PUF60: variants seen among roughly 807,000 people sequenced by gnomAD.
The protein encoded by PUF60 is poly(U)-binding-splicing factor PUF60.
PUF60 carries 10 observed loss-of-function variants against 61.8 expected under a neutral mutation model. That is an observed-to-expected ratio of 0.16 (90% confidence interval 0.10 to 0.27). The LOEUF is 0.27. Ranked by LOEUF, PUF60 falls within the 10% of genes least tolerant of loss-of-function variation. The pLI is 1.00. For synonymous variants in PUF60, 353 were observed against 300.9 expected (o/e 1.17, Z -1.79); for missense variants, 371 against 754.0 (o/e 0.49, Z 5.95).
At chr8:143,825,671 T>C (rs1364575575) in intron 1 of PUF60, among the ~76,000 whole-genome samples, 2 of 152,210 alleles carry the variant, frequency 1.3e-5, no homozygotes, top group East Asian at 1.9e-4. Flanking sequence ...TTGGTAGAGA[T>C]GGGGGTCTCC....
At chr8:143,821,199 A>T in intron 4 of PUF60, 1 of 401,524 alleles carries the variant, frequency 2.5e-6, no homozygotes, top group African/African-American at 2.0e-5. Flanking sequence ...GACTCACTGC[A>T]GGGGTGAGGG....
At chr8:143,829,055 G>A in intron 1 of PUF60, 1 of 1,022,590 alleles carries the variant, frequency 9.8e-7, no homozygotes. Context: ...CCCCCGCCCC[G>A]CCCCGCCGGA....
Position 143,818,699 on chromosome 8 carries a change from C to A in PUF60, c.349-165G>T. The A allele has an allele frequency of 1.4e-6, 1 of 734,232 alleles. No individual in the cohort carries two copies. Among genetic ancestry groups the A allele is most frequent in the Middle Eastern group, 3.9e-4 (1 of 2,556 alleles). 45.5% of individuals were successfully genotyped at this position (734,232 alleles called of 1,614,324 possible). A position where few individuals can be genotyped will look rare whatever the true frequency, so the allele number is the denominator to read the frequency against. On this transcript the variant is annotated intron_variant, in intron 5 of 11. Transcript: ENST00000526683. This position sits in a 1 kb window ranked among gnomAD's most constrained non-coding sequence, Gnocchi z 7.9. Reference sequence around the variant, plus strand: ...CCCTGCAGTCATAGTGTGGGGGTCGCAGGACCCCGCCACCCAAAGAAGGAA... The same window carrying A: ...CCCTGCAGTCATAGTGTGGGGGTCGAAGGACCCCGCCACCCAAAGAAGGAA...
chr8:143,828,449 G>T (rs946594271), intron 1 of PUF60, among the ~76,000 whole-genome samples: 14 of 152,248 alleles, frequency 9.2e-5, no homozygotes, highest in Admixed American at 3.3e-4. Context: ...AGACTTCATC[G>T]TGCATGTGTT....
Position 143,818,786 on chromosome 8 carries a change from G to A in PUF60, c.349-252C>T, listed in dbSNP as rs2130266244. On this transcript the variant is annotated intron_variant, in intron 5 of 11. Coordinates refer to ENST00000526683, the MANE Select transcript of PUF60 (RefSeq NM_078480.3). This position sits in a 1 kb window ranked among gnomAD's most constrained non-coding sequence, Gnocchi z 7.9. ...CCGCCAAGGTCCCAGGCAGACTGCG[G>A]CAGCAAAGCCGACAGATGGTCAGGA... 4 of 541,404 alleles carry A rather than the reference G, an allele frequency of 7.4e-6. No homozygotes were observed. Among genetic ancestry groups the A allele is most frequent in the East Asian group, 6.0e-5 (2 of 33,390 alleles). The allele number at this position is 541,404 out of a possible 1,614,324, so 33.5% of individuals were successfully genotyped here.
intron 1 of PUF60, 68 bp from the exon 2 acceptor site, chr8:143,824,467 C>G (rs763706916): frequency 2.2e-4 from 336 of 1,519,536 alleles, no homozygotes; most frequent in Admixed American, 3.6e-4. Context: ...GCTCTCCTCC[C>G]GAGCTAAGGG....
intron 1 of PUF60, chr8:143,827,154 G>C: frequency 3.1e-6 from 1 of 324,422 alleles, no homozygotes; most frequent in Non-Finnish European, 6.0e-6. Flanking sequence ...GATGACTTCT[G>C]TGGTTTACCA....
At position 143,818,837 on chromosome 8, in the gene PUF60, A is replaced by C; in HGVS notation, c.349-303T>G. The C allele has an allele frequency of 2.4e-6, 1 of 416,814 alleles. No homozygotes were observed. Among genetic ancestry groups the C allele is most frequent in the Admixed American group, 4.1e-5 (1 of 24,186 alleles). The allele number at this position is 416,814 out of a possible 1,614,324, so 25.8% of individuals were successfully genotyped here. A position where few individuals can be genotyped will look rare whatever the true frequency, so the allele number is the denominator to read the frequency against. ...GGCAGGGCTGTGCGCCCTCCCACCC[A>C]GACCACCCCTCCAGTCTGGGGGCTG... On this transcript the variant is annotated intron_variant, in intron 5 of 11. Transcript: ENST00000526683. The surrounding 1 kb of genome is among the most constrained non-coding windows in gnomAD (Gnocchi z 7.9).
At position 143,818,115 on chromosome 8, in the gene PUF60, AGGCCC is replaced by A; in HGVS notation, c.604-45_604-41del. ...GTGAGATGGAAAGACCGGTCAACCC[AGGCCC>A]GGCCACAAAAGGCTTCCGTGGAGGG... On this transcript the variant is annotated intron_variant, in intron 7 of 11. Coordinates refer to ENST00000526683, the MANE Select transcript of PUF60 (RefSeq NM_078480.3). The surrounding 1 kb of genome is among the most constrained non-coding windows in gnomAD (Gnocchi z 7.9). 1 of 1,604,590 alleles carries A rather than the reference AGGCCC, an allele frequency of 6.2e-7. No individual in the cohort carries two copies. Among genetic ancestry groups the A allele is most frequent in the Non-Finnish European group, 8.5e-7 (1 of 1,175,630 alleles).
Position 143,821,452 on chromosome 8 carries a change from G to A in PUF60, c.297+145C>T, listed in dbSNP as rs536636904. The A allele has an allele frequency of 9.7e-5, 75 of 774,842 alleles. 1 individual carries two copies. The South Asian group carries it at 1.0e-3, about 11-fold the overall frequency. The allele number at this position is 774,842 out of a possible 1,614,324, so 48.0% of individuals were successfully genotyped here. ...CCACTCGTGCCTCAGAGAGGACCCCGGGGGTCCCGAGCATGAGTCTTTGAG... is the reference window on the plus strand; with the variant it reads ...CCACTCGTGCCTCAGAGAGGACCCCAGGGGTCCCGAGCATGAGTCTTTGAG... On this transcript the variant is annotated intron_variant, in intron 4 of 11. Coordinates refer to ENST00000526683, the MANE Select transcript of PUF60 (RefSeq NM_078480.3).
At position 143,816,398 on chromosome 8, in the gene PUF60, A is replaced by G; in HGVS notation, c.*122T>C. ...GACGTTCAGGGCCAGCAGCATCCGC[A>G]CCTTTATCCGCACTGTAGGCTGGGC... On this transcript the variant is annotated 3_prime_UTR_variant, in exon 12 of 12. Transcript: ENST00000526683. 8.8e-7 allele frequency: 1 copy of G among 1,138,486 alleles called. No individual in the cohort carries two copies. Among genetic ancestry groups the G allele is most frequent in the Non-Finnish European group, 1.2e-6 (1 of 822,084 alleles). 70.5% of individuals were successfully genotyped at this position (1,138,486 alleles called of 1,614,324 possible). A position where few individuals can be genotyped will look rare whatever the true frequency, so the allele number is the denominator to read the frequency against.
At chr8:143,823,710 G>A (rs1817285433) in intron 2 of PUF60, among the ~76,000 whole-genome samples, 2 of 152,204 alleles carry the variant, frequency 1.3e-5, no homozygotes, top group South Asian at 4.1e-4. Context: ...GAAGCACAAA[G>A]AACCCAACTA....
chr8:143,820,824 GGGAGGCC>G, intron 4 of PUF60, 108 bp from the exon 5 acceptor site: 2 of 1,107,594 alleles, frequency 1.8e-6, no homozygotes, highest in South Asian at 2.5e-5. Context: ...CGCCCTGCCA[GGGAGGCC>G]GCCTGCCTTC....
In PUF60 at chr8:143,818,663, G is replaced by C. The variant is rs1816661016; in HGVS notation, c.349-129C>G. 2.0e-5 allele frequency: 20 copies of C among 1,007,092 alleles called. 1 individual carries two copies. In the Admixed American group the frequency reaches 5.6e-4, roughly 28 times the overall value. The allele number at this position is 1,007,092 out of a possible 1,614,324, so 62.4% of individuals were successfully genotyped here. On this transcript the variant is annotated intron_variant, in intron 5 of 11. Coordinates refer to ENST00000526683, the MANE Select transcript of PUF60 (RefSeq NM_078480.3). The surrounding 1 kb of genome is among the most constrained non-coding windows in gnomAD (Gnocchi z 7.9). ...AGGGCTCCCCACATGACAGGGAGGT[G>C]CGGGCTCCATCCCTGCAGTCATAGT...
Position 143,818,896 on chromosome 8 carries a change from T to G in PUF60, c.349-362A>C. ...AGGCTGGGCTGGGAGATCCTCCCAC[T>G]GTCCCAGCCAAGGACCACGACAGAA... On this transcript the variant is annotated intron_variant, in intron 5 of 11. Transcript: ENST00000526683. The surrounding 1 kb of genome is among the most constrained non-coding windows in gnomAD (Gnocchi z 7.9). 1 of 299,488 alleles carries G rather than the reference T, an allele frequency of 3.3e-6. No homozygotes were observed. The highest frequency in any genetic ancestry group is 6.2e-6 in the Non-Finnish European group (1 of 160,108). 18.6% of individuals were successfully genotyped at this position (299,488 alleles called of 1,614,324 possible). A position where few individuals can be genotyped will look rare whatever the true frequency, so the allele number is the denominator to read the frequency against.
chr8:143,819,719 C>G (rs1816798629), intron 5 of PUF60, among the ~76,000 whole-genome samples: 1 of 152,228 alleles, frequency 6.6e-6, no homozygotes, highest in East Asian at 1.9e-4. Flanking sequence ...GCAAGACCCC[C>G]CCAAAGGTGG....
chr8:143,820,635 A>G, intron 5 of PUF60, 31 bp downstream of exon 5: 2 of 1,604,654 alleles, frequency 1.2e-6, no homozygotes, highest in Non-Finnish European at 1.7e-6. Flanking sequence ...TAAGGACATG[A>G]GCCCCGGAAG....
intron 3 of PUF60, 21 bp from the exon 4 acceptor site, chr8:143,821,707 G>T: frequency 6.5e-7 from 1 of 1,547,546 alleles, no homozygotes. Context: ...CGGCAGTGAG[G>T]AGCACTGGGG....
chr8:143,829,163 C>A, intron 1 of PUF60, 117 bp downstream of exon 1: 1 of 1,220,390 alleles, frequency 8.2e-7, no homozygotes, highest in Non-Finnish European at 1.0e-6. Context: ...ACGAGGGAGT[C>A]CGCGCGGGAC....
Sources: gnomAD v4.1 joint callset for allele counts (sites outside exome capture counted in the v4.1 genomes callset) on GRCh38, gnomAD v4.1.1 for gene constraint, Gnocchi (gnomAD v3.1) non-coding constraint, MANE v1.5 for transcripts, NCBI Gene and HGNC (gene_info 2026-07-23, HGNC 2026-07-21) for gene names.